The following RAB35 variants were observed in gnomAD, a reference collection of about 807,000 sequenced individuals.
The protein encoded by RAB35 is RAB35, member RAS oncogene family.
Under a neutral mutation model 28.9 loss-of-function variants are expected in RAB35, and 4 were observed. The ratio of observed to expected loss-of-function variants is 0.14; its 90% CI spans 0.07 to 0.32. The LOEUF is 0.32. RAB35 is among the 10% of genes least tolerant of loss of function. The pLI is 1.00. For synonymous variants in RAB35, 99 were observed against 105.1 expected, an observed-to-expected ratio of 0.94 and a Z score of 0.35; for missense variants, 128 against 274.0, an observed-to-expected ratio of 0.47 and a Z score of 3.76.
rs1447378713 is a variant in RAB35 at position 120,096,101 on chromosome 12, G to T, written c.*1144C>A. ...TTGTCCTGACAAAGGTTAGGACAGT[G>T]ACCAGGGCCTGTCCATGGTCCCCAC... On this transcript the variant is annotated 3_prime_UTR_variant, in exon 6 of 6. Coordinates refer to ENST00000229340, the MANE Select transcript of RAB35 (RefSeq NM_006861.7). 1 of 286,428 alleles carries T rather than the reference G, an allele frequency of 3.5e-6. No homozygotes were observed. Among genetic ancestry groups the T allele is most frequent in the Non-Finnish European group, 6.8e-6 (1 of 146,662 alleles). The allele number at this position is 286,428 out of a possible 1,614,324, so 17.7% of individuals were successfully genotyped here.
At position 120,116,627 on chromosome 12, in the gene RAB35, G is replaced by A. The variant is rs1230671824; in HGVS notation, c.24C>T (p.Leu8=). MARDYDH[L]FKLLIIGDSG... Reference sequence around the variant, plus strand: ...TGTCGCCGATGATGAGCAGCTTGAAGAGGTGGTCGTAGTCCCGGGCCATGG... The same window carrying A: ...TGTCGCCGATGATGAGCAGCTTGAAAAGGTGGTCGTAGTCCCGGGCCATGG... Residue 8 remains leucine, a synonymous_variant, in exon 1 of 6, where the codon CTC becomes CTT. Coordinates refer to ENST00000229340, the MANE Select transcript of RAB35 (RefSeq NM_006861.7). The A allele has an allele frequency of 1.7e-5, 21 of 1,223,014 alleles. No individual in the cohort carries two copies. Among genetic ancestry groups the A allele is most frequent in the Non-Finnish European group, 2.1e-5 (21 of 982,194 alleles). 75.8% of individuals were successfully genotyped at this position (1,223,014 alleles called of 1,614,324 possible). A position where few individuals can be genotyped will look rare whatever the true frequency, so the allele number is the denominator to read the frequency against.
chr12:120,096,591 C>T lies in RAB35; in HGVS notation c.*654G>A. On this transcript the variant is annotated 3_prime_UTR_variant, in exon 6 of 6. Coordinates refer to ENST00000229340, the MANE Select transcript of RAB35 (RefSeq NM_006861.7). ...AAATCTGTTGGCCAAAGGGCAAGAC[C>T]TGCCACCTCTGTGGAACTGCAGGGC... 1 of 1,289,896 alleles carries T rather than the reference C, an allele frequency of 7.8e-7. No homozygotes were observed. The allele number at this position is 1,289,896 out of a possible 1,614,324, so 79.9% of individuals were successfully genotyped here. A position where few individuals can be genotyped will look rare whatever the true frequency, so the allele number is the denominator to read the frequency against.
chr12:120,104,006 C>A (rs1169309631), intron 2 of RAB35, 57 bp from the exon 3 acceptor site: 40 of 1,596,822 alleles, frequency 2.5e-5, no homozygotes, highest in Admixed American at 3.4e-5. Context: ...GGCCCTGAGC[C>A]CCACGCTGCA....
At chr12:120,112,727 AC>A (rs1876170165) in intron 1 of RAB35, among the ~76,000 whole-genome samples, 2 of 107,034 alleles carry the variant, frequency 1.9e-5, no homozygotes, top group African/African-American at 5.6e-5. Flanking sequence ...CCGTGCCTGG[AC>A]CTTTTTTTTT....
At chr12:120,114,292 C>A (rs957131177) in intron 1 of RAB35, among the ~76,000 whole-genome samples, 1 of 152,238 alleles carries the variant, frequency 6.6e-6, no homozygotes, top group Non-Finnish European at 1.5e-5. Context: ...GAGGTTTCAT[C>A]ATGTTGCCCA....
chr12:120,113,519 T>C (rs1021392317), intron 1 of RAB35, among the ~76,000 whole-genome samples: 2 of 151,786 alleles, frequency 1.3e-5, no homozygotes, highest in African/African-American at 2.4e-5. Context: ...TAAGGGAAAG[T>C]ATAGAAAATA....
rs192285145 is a variant in RAB35 at position 120,103,930 on chromosome 12, G to A, written c.123C>T (p.Ile41=). Residue 41 remains isoleucine (I), a synonymous_variant, in exon 3 of 6, where the codon ATC becomes ATT. Transcript: ENST00000229340. This position sits in a 1 kb window ranked among gnomAD's most constrained non-coding sequence, Gnocchi z 6.1. ...NTFSGSYITT[I]GVDFKIRTVE... ...CGGTCCGGATCTTGAAATCCACTCC[G>A]ATCGTGGTGATGTAGCTGCCTGCAC... 37 of 1,614,040 alleles carry A rather than the reference G, an allele frequency of 2.3e-5. No homozygotes were observed. Among genetic ancestry groups the A allele is most frequent in the East Asian group, 1.8e-4 (8 of 44,886 alleles).
At chr12:120,115,926 A>T (rs1369868491) in intron 1 of RAB35, among the ~76,000 whole-genome samples, 1 of 152,220 alleles carries the variant, frequency 6.6e-6, no homozygotes, top group Non-Finnish European at 1.5e-5. Context: ...CTATCATTCC[A>T]TCTTACAGAT....
intron 2 of RAB35, 92 bp downstream of exon 2, chr12:120,108,325 T>C (rs780446305): frequency 6.0e-6 from 8 of 1,326,478 alleles, no homozygotes; most frequent in Non-Finnish European, 8.6e-6. Context: ...GTTCCCAACA[T>C]CAGGCAGAGG....
chr12:120,106,591 C>CTT (rs10709764), intron 2 of RAB35, among the ~76,000 whole-genome samples: 5 of 102,738 alleles, frequency 4.9e-5, no homozygotes, highest in Admixed American at 2.1e-4. Context: ...CTTTCTTTTT[C>CTT]TTTTTTTTTT....
At chr12:120,116,438 G>A (rs1449564459) in intron 1 of RAB35, among the ~76,000 whole-genome samples, 161 bp downstream of exon 1, 1 of 150,792 alleles carries the variant, frequency 6.6e-6, no homozygotes, top group African/African-American at 2.4e-5. Context: ...CCCTCGGCGC[G>A]GTCCGGAGCC....
chr12:120,107,122 A>G lies in RAB35; in HGVS notation c.103+1295T>C, dbSNP rs1291073746. Among the ~76,000 whole-genome samples the G allele has an allele frequency of 6.6e-5, 10 of 151,930 alleles. 1 individual carries two copies. Among genetic ancestry groups the G allele is most frequent in the Admixed American group, 3.9e-4 (6 of 15,244 alleles). ...TCCTGCCTCAGCCTCCCCAGTCGCTAGGATTATAGGTATGCACCACCACGC... is the reference window on the plus strand; with the variant it reads ...TCCTGCCTCAGCCTCCCCAGTCGCTGGGATTATAGGTATGCACCACCACGC... On this transcript the variant is annotated intron_variant, in intron 2 of 5. Coordinates refer to ENST00000229340, the MANE Select transcript of RAB35 (RefSeq NM_006861.7).
chr12:120,099,228 C>A, intron 3 of RAB35, 74 bp from the exon 4 acceptor site: 1 of 1,587,058 alleles, frequency 6.3e-7, no homozygotes, highest in Non-Finnish European at 8.6e-7. Flanking sequence ...CACCTGCCCA[C>A]GTCAGGACAC....
chr12:120,116,387 G>A (rs186837728), intron 1 of RAB35, among the ~76,000 whole-genome samples: 1 of 152,020 alleles, frequency 6.6e-6, no homozygotes, highest in Non-Finnish European at 1.5e-5. Context: ...GCGATGACTG[G>A]ACCCGGCGCG....
chr12:120,096,963 G>A lies in RAB35; in HGVS notation c.*282C>T, dbSNP rs2139045867. 7.0e-7 allele frequency: 1 copy of A among 1,432,824 alleles called. No homozygotes were observed. Among genetic ancestry groups the A allele is most frequent in the East Asian group, 3.2e-5 (1 of 30,914 alleles). 88.8% of individuals were successfully genotyped at this position (1,432,824 alleles called of 1,614,324 possible). On this transcript the variant is annotated 3_prime_UTR_variant, in exon 6 of 6. Coordinates refer to ENST00000229340, the MANE Select transcript of RAB35 (RefSeq NM_006861.7). ...GGTAGAGCAATATACACTATGTACA[G>A]ACTCTGCGAATCAGTCCGCTCGGCG...
At chr12:120,098,453 G>A (rs1875524636) in intron 5 of RAB35, among the ~76,000 whole-genome samples, 2 of 152,388 alleles carry the variant, frequency 1.3e-5, no homozygotes, top group South Asian at 4.1e-4. Context: ...CAGGCCTCTG[G>A]GCTCCACACA....
chr12:120,105,903 C>T (rs1008791769), intron 2 of RAB35, among the ~76,000 whole-genome samples: 28 of 124,072 alleles, frequency 2.3e-4, no homozygotes, highest in East Asian at 2.1e-3. Flanking sequence ...GGCGACAGAG[C>T]GAGACTCCGT....
rs1028853262 is a variant in RAB35, at chr12:120,107,101, G to T, written c.103+1316C>A. Among the ~76,000 whole-genome samples, 7 of 151,990 alleles carry T rather than the reference G, an allele frequency of 4.6e-5. 1 individual carries two copies. The highest frequency in any genetic ancestry group is 3.9e-4 in the Admixed American group (6 of 15,246). On this transcript the variant is annotated intron_variant, in intron 2 of 5. Transcript: ENST00000229340. ...TCTCCCGGATTCAAGCAACTCTCCT[G>T]CCTCAGCCTCCCCAGTCGCTAGGAT...
Position 120,097,343 on chromosome 12 carries a change from G to A in RAB35, c.508C>T (p.Arg170Ter), listed in dbSNP as rs771876856. ...TTTGCCAGGTTGTCTTTCTTTGCTC[G>A]GAGGACCAGCTCCGTGATGCAGTTG... ...MFNCITELVL[R>*]AKKDNLAKQQ... The change falls in exon 6 of 6, where the codon CGA becomes TGA. Residue 170 changes from arginine to a stop codon, truncating the protein, a stop_gained. Coordinates refer to ENST00000229340, the MANE Select transcript of RAB35 (RefSeq NM_006861.7). LOFTEE classifies it high-confidence loss of function. The A allele has an allele frequency of 1.2e-6, 2 of 1,613,164 alleles. No individual in the cohort carries two copies. The highest frequency in any genetic ancestry group is 8.5e-7 in the Non-Finnish European group (1 of 1,179,962).
Sources: allele counts gnomAD v4.1 joint callset (sites outside exome capture counted in the v4.1 genomes callset), GRCh38; gene constraint gnomAD v4.1.1; non-coding constraint Gnocchi (gnomAD v3.1); transcripts MANE v1.5; gene names NCBI Gene and HGNC (gene_info 2026-07-23, HGNC 2026-07-21).